Variants in PARD3B observed in about 807,000 individuals in gnomAD.
PARD3B encodes partitioning defective 3 homolog B.
A neutral mutation model predicts 130.2 loss-of-function variants in PARD3B; 103 were observed. The observed-to-expected ratio is 0.79, with a 90% confidence interval of 0.67 to 0.93. The LOEUF (loss-of-function observed/expected upper bound fraction) is 0.93, where lower values mean the gene tolerates loss of function less well. Among genes scored for constraint, PARD3B ranks in the 40% least tolerant of loss-of-function variants. The pLI, the probability that PARD3B is intolerant of heterozygous loss-of-function variation, is 0.00. For missense variants in PARD3B, 1,609 were observed against 1,499.2 expected, an observed-to-expected ratio of 1.07 and a Z score of -1.21; for synonymous variants, 583 against 553.2, an observed-to-expected ratio of 1.05 and a Z score of -0.76.
At chr2:205,185,243 A>G (rs2036027875) in intron 13 of PARD3B, among the ~76,000 whole-genome samples, 1 of 150,262 alleles carries the variant, frequency 6.7e-6, no homozygotes, top group Non-Finnish European at 1.5e-5. Context: ...ATAGAAAAAA[A>G]GAGCGCACGT....
Position 204,678,888 on chromosome 2 carries a change from G to A in PARD3B, c.121-7293G>A, listed in dbSNP as rs1328323535. Among the ~76,000 whole-genome samples, 1 of 152,070 alleles carries A rather than the reference G, an allele frequency of 6.6e-6. No individual in the cohort carries two copies. The highest frequency in any genetic ancestry group is 2.4e-5 in the African/African-American group (1 of 41,404). ...TATTTCCCTGCCTCCTGTCGGTATCGCTAACATACAGATCAAGAAATAGAA... is the reference window on the plus strand; with the variant it reads ...TATTTCCCTGCCTCCTGTCGGTATCACTAACATACAGATCAAGAAATAGAA... On this transcript the variant is annotated intron_variant, in intron 1 of 22. Transcript: ENST00000406610. The surrounding 1 kb of genome is among the most constrained non-coding windows in gnomAD (Gnocchi z 4.2).
intron 20 of PARD3B, among the ~76,000 whole-genome samples, chr2:205,484,536 A>AT (rs1430172538): frequency 2.0e-5 from 3 of 152,114 alleles, no homozygotes; most frequent in Admixed American, 6.6e-5. Flanking sequence ...TTTAAATGAG[A>AT]TTTTTTTCAA....
rs189660235 is a variant in PARD3B at position 205,354,521 on chromosome 2, G to A, written c.2631-46492G>A. ...CTTTTTAGAGCTGGGGTCTCACTAC[G>A]TTGCCCAGACTTTTCTGAACTCCTG... is the stretch of plus-strand genomic sequence containing the variant. On this transcript the variant is annotated intron_variant, in intron 18 of 22. Coordinates refer to ENST00000406610, the MANE Select transcript of PARD3B (RefSeq NM_001302769.2). Among the ~76,000 whole-genome samples the A allele has an allele frequency of 4.6e-5, 7 of 151,546 alleles. No homozygotes were observed. In the East Asian group the frequency reaches 5.9e-4, roughly 13 times the overall value.
intron 2 of PARD3B, among the ~76,000 whole-genome samples, chr2:204,856,904 A>G (rs944758381): frequency 2.0e-5 from 3 of 152,076 alleles, no homozygotes; most frequent in Non-Finnish European, 4.4e-5. Flanking sequence ...TATGCCATCC[A>G]GTACCATGCT....
intron 2 of PARD3B, among the ~76,000 whole-genome samples, chr2:204,964,070 AGT>A (rs1298309128): frequency 6.6e-6 from 1 of 152,214 alleles, no homozygotes; most frequent in Non-Finnish European, 1.5e-5. Context: ...TGGGGCTCTG[AGT>A]GTCTTTCCTG....
chr2:204,906,054 G>C lies in PARD3B; in HGVS notation c.223-59098G>C, dbSNP rs879191196. Among the ~76,000 whole-genome samples the C allele has an allele frequency of 6.6e-6, 1 of 152,118 alleles. No individual in the cohort carries two copies. The highest frequency in any genetic ancestry group is 1.5e-5 in the Non-Finnish European group (1 of 68,026). On this transcript the variant is annotated intron_variant, in intron 2 of 22. Transcript: ENST00000406610. This position sits in a 1 kb window ranked among gnomAD's most constrained non-coding sequence, Gnocchi z 4.3. Reference sequence around the variant, plus strand: ...TAGTTGTAGCCATTACTTTATTTTGGGCTAGAGTAATTTTTGCTAAATAAT... The same window carrying C: ...TAGTTGTAGCCATTACTTTATTTTGCGCTAGAGTAATTTTTGCTAAATAAT...
At chr2:204,600,076 A>C (rs200451433) in intron 1 of PARD3B, among the ~76,000 whole-genome samples, 1 of 150,924 alleles carries the variant, frequency 6.6e-6, no homozygotes, top group Non-Finnish European at 1.5e-5. Context: ...ATTTATTTTG[A>C]ATATTAATCC....
intron 2 of PARD3B, among the ~76,000 whole-genome samples, chr2:204,717,590 G>A (rs906429174): frequency 2.0e-5 from 3 of 152,170 alleles, no homozygotes; most frequent in African/African-American, 7.2e-5. Flanking sequence ...AGAATGAGCA[G>A]TTGGACAGAA....
At chr2:205,045,339 C>T (rs1007087898) in intron 3 of PARD3B, among the ~76,000 whole-genome samples, 1 of 151,590 alleles carries the variant, frequency 6.6e-6, no homozygotes, top group Non-Finnish European at 1.5e-5. Context: ...ACCTCCGCCT[C>T]CCGGGTTCAA....
intron 20 of PARD3B, among the ~76,000 whole-genome samples, chr2:205,489,360 C>T (rs958966752): frequency 2.0e-5 from 3 of 151,628 alleles, no homozygotes; most frequent in Admixed American, 1.3e-4. Context: ...ACCTATAATC[C>T]CAGTGCTTTA....
intron 20 of PARD3B, among the ~76,000 whole-genome samples, chr2:205,491,028 T>G (rs1473788470): frequency 5.9e-5 from 9 of 152,232 alleles, no homozygotes. Context: ...ATGAGTAGAT[T>G]GCAAAAATTT....
intron 3 of PARD3B, 33 bp from the exon 4 acceptor site, chr2:205,047,548 T>C: frequency 6.9e-7 from 1 of 1,452,876 alleles, no homozygotes; most frequent in Non-Finnish European, 9.4e-7. Flanking sequence ...CCCAGGGTTC[T>C]TTTGACCTCT....
intron 2 of PARD3B, among the ~76,000 whole-genome samples, chr2:204,741,066 C>G (rs2125362839): frequency 6.6e-6 from 1 of 152,182 alleles, no homozygotes; most frequent in South Asian, 2.1e-4. Context: ...TAATTGGCAT[C>G]AATTTGAATA....
chr2:205,429,933 C>G (rs1008025711), intron 19 of PARD3B, among the ~76,000 whole-genome samples: 1 of 152,184 alleles, frequency 6.6e-6, no homozygotes, highest in African/African-American at 2.4e-5. Flanking sequence ...CTTATAGACA[C>G]ATGGCTCCAA....
intron 2 of PARD3B, among the ~76,000 whole-genome samples, chr2:204,872,784 A>G (rs1322017535): frequency 6.6e-6 from 1 of 152,222 alleles, no homozygotes; most frequent in African/African-American, 2.4e-5. Context: ...CATAAACCAA[A>G]TACTTATTTG....
chr2:204,962,345 GC>G (rs1286697320), intron 2 of PARD3B, among the ~76,000 whole-genome samples: 3 of 152,078 alleles, frequency 2.0e-5, no homozygotes, highest in Non-Finnish European at 4.4e-5. Flanking sequence ...GGTTACTGCA[GC>G]CCCTGAGGTG....
At chr2:205,464,150 A>C (rs2048543893) in intron 20 of PARD3B, among the ~76,000 whole-genome samples, 1 of 152,116 alleles carries the variant, frequency 6.6e-6, no homozygotes, top group Non-Finnish European at 1.5e-5. Flanking sequence ...GATTCTGTAC[A>C]TCTGGCTCTA....
intron 16 of PARD3B, among the ~76,000 whole-genome samples, chr2:205,251,424 C>T (rs560885503): frequency 1.6e-4 from 24 of 152,116 alleles, no homozygotes; most frequent in Non-Finnish European, 2.8e-4. Flanking sequence ...CTTCAGCAGG[C>T]CTTACATTTT....
At chr2:204,562,939 G>A (rs1346281843) in intron 1 of PARD3B, among the ~76,000 whole-genome samples, 3 of 152,136 alleles carry the variant, frequency 2.0e-5, no homozygotes, top group Non-Finnish European at 4.4e-5. Flanking sequence ...GCAGCTGTGG[G>A]TCGTAAGGAG....
Sources: allele counts gnomAD v4.1 joint callset (sites outside exome capture counted in the v4.1 genomes callset), GRCh38; gene constraint gnomAD v4.1.1; non-coding constraint Gnocchi (gnomAD v3.1); transcripts MANE v1.5; gene names NCBI Gene and HGNC (gene_info 2026-07-23, HGNC 2026-07-21).